The following CYYR1 variants were observed in gnomAD, a reference collection of about 807,000 sequenced individuals.
The protein encoded by CYYR1 is cysteine and tyrosine rich 1, also known as cysteine and tyrosine-rich protein 1.
CYYR1 carries 14 observed loss-of-function variants against 15.2 expected under a neutral mutation model. The observed-to-expected ratio is 0.92, with a 90% confidence interval of 0.61 to 1.44. CYYR1 has a LOEUF of 1.44. Among genes scored for constraint, CYYR1 ranks in the 40% most tolerant of loss-of-function variants. The probability of loss-of-function intolerance (pLI) is 0.00; values close to 1 mark genes in which losing one functional copy is unlikely to be tolerated. For missense variants in CYYR1, 228 were observed against 209.5 expected (o/e 1.09, Z -0.54); for synonymous variants, 80 against 77.4 (o/e 1.03, Z -0.18).
At chr21:26,507,985 G>A (rs1293326759) in intron 2 of CYYR1, among the ~76,000 whole-genome samples, 1 of 152,196 alleles carries the variant, frequency 6.6e-6, no homozygotes, top group Non-Finnish European at 1.5e-5. Context: ...GATGACAGAT[G>A]TAAGCTCATA....
chr21:26,520,839 A>G (rs1031877836), intron 2 of CYYR1, among the ~76,000 whole-genome samples: 1 of 152,074 alleles, frequency 6.6e-6, no homozygotes, highest in Non-Finnish European at 1.5e-5. Flanking sequence ...AGTGATGTTG[A>G]GCTTTATGCA....
At chr21:26,497,967 AT>A (rs1212144182) in intron 2 of CYYR1, among the ~76,000 whole-genome samples, 1 of 152,172 alleles carries the variant, frequency 6.6e-6, no homozygotes, top group East Asian at 1.9e-4. Context: ...GACATATGTC[AT>A]TTGTATCATA....
intron 3 of CYYR1, among the ~76,000 whole-genome samples, chr21:26,472,967 T>C (rs951162625): frequency 6.6e-6 from 1 of 152,182 alleles, no homozygotes; most frequent in African/African-American, 2.4e-5. Flanking sequence ...AGTTTATTTT[T>C]TCTAAGTTTT....
intron 2 of CYYR1, among the ~76,000 whole-genome samples, chr21:26,498,035 T>C (rs1167811058): frequency 6.6e-6 from 1 of 152,208 alleles, no homozygotes; most frequent in Non-Finnish European, 1.5e-5. Flanking sequence ...CTTTCCAAGA[T>C]TTCTACCTTT....
At chr21:26,572,817 C>T (rs1396573457) in intron 1 of CYYR1, 51 bp downstream of exon 1, 44 of 1,605,124 alleles carry the variant, frequency 2.7e-5, no homozygotes, top group Non-Finnish European at 3.5e-5. Context: ...GGACCGTGAC[C>T]CAAGGGCAGC....
At chr21:26,504,123 T>C (rs2065520794) in intron 2 of CYYR1, among the ~76,000 whole-genome samples, 1 of 152,178 alleles carries the variant, frequency 6.6e-6, no homozygotes, top group South Asian at 2.1e-4. Context: ...ATCCAGCATA[T>C]CTTAACAGTG....
Position 26,468,297 on chromosome 21 carries a change from A to G in CYYR1, c.*204T>C, listed in dbSNP as rs2123347755. On this transcript the variant is annotated 3_prime_UTR_variant, in exon 4 of 4. Coordinates refer to ENST00000652641, the MANE Select transcript of CYYR1 (RefSeq NM_001320768.2). ...CAGATCTCTTAAAATGTGGTTCCAT[A>G]GAACCAAACATTAATACTCCAGATG... The G allele has an allele frequency of 1.7e-6, 1 of 590,412 alleles. No individual in the cohort carries two copies. Among genetic ancestry groups the G allele is most frequent in the East Asian group, 2.9e-5 (1 of 34,098 alleles). 36.6% of individuals were successfully genotyped at this position (590,412 alleles called of 1,614,324 possible).
chr21:26,466,550 G>A lies in CYYR1; in HGVS notation c.*1951C>T, dbSNP rs1601713653. ...ATTTGGGGAAAATTTGCAGAATATA[G>A]GAGGTACGCAATAAATGTTTATTGA... On this transcript the variant is annotated 3_prime_UTR_variant, in exon 4 of 4. Coordinates refer to ENST00000652641, the MANE Select transcript of CYYR1 (RefSeq NM_001320768.2). 1 of 152,152 alleles carries A rather than the reference G, an allele frequency of 6.6e-6. No individual in the cohort carries two copies. Among genetic ancestry groups the A allele is most frequent in the East Asian group, 1.9e-4 (1 of 5,202 alleles). The allele number at this position is 152,152 out of a possible 1,614,324, so 9.4% of individuals were successfully genotyped here.
At chr21:26,539,018 CAGGCAAAGAATAATGT>C (rs1466654492) in intron 2 of CYYR1, among the ~76,000 whole-genome samples, 3 of 152,090 alleles carry the variant, frequency 2.0e-5, no homozygotes, top group Non-Finnish European at 4.4e-5. Flanking sequence ...TTTGGAGATA[CAGGCAAAGAATAATGT>C]GATACGAAAA....
chr21:26,514,248 C>T (rs1486556599), intron 2 of CYYR1, among the ~76,000 whole-genome samples: 1 of 152,124 alleles, frequency 6.6e-6, no homozygotes, highest in South Asian at 2.1e-4. Flanking sequence ...CTCCAAATCT[C>T]ATGTTGAAAT....
At chr21:26,516,600 G>C (rs1015021929) in intron 2 of CYYR1, among the ~76,000 whole-genome samples, 4 of 152,112 alleles carry the variant, frequency 2.6e-5, no homozygotes, top group Non-Finnish European at 5.9e-5. Context: ...TTAATTGTCT[G>C]TTTAAATAGG....
At chr21:26,546,892 C>G (rs946094909) in intron 2 of CYYR1, among the ~76,000 whole-genome samples, 6 of 152,030 alleles carry the variant, frequency 3.9e-5, no homozygotes, top group African/African-American at 1.4e-4. Flanking sequence ...TGTGGCTCGA[C>G]GCTGCTTCAG....
At chr21:26,533,355 G>C (rs1313111050) in intron 2 of CYYR1, among the ~76,000 whole-genome samples, 1 of 151,978 alleles carries the variant, frequency 6.6e-6, no homozygotes, top group East Asian at 1.9e-4. Context: ...TGCAGAACCA[G>C]GAAAGCTGGT....
intron 2 of CYYR1, among the ~76,000 whole-genome samples, chr21:26,501,844 C>T (rs1386120688): frequency 6.6e-6 from 1 of 151,990 alleles, no homozygotes; most frequent in Non-Finnish European, 1.5e-5. Context: ...GAAGAACACG[C>T]CATGAGAGAA....
intron 2 of CYYR1, among the ~76,000 whole-genome samples, chr21:26,565,749 T>G (rs111408636): frequency 0.011 from 1,662 of 152,354 alleles, 40 homozygotes; most frequent in African/African-American, 0.038. Context: ...TGTCTTAGGC[T>G]CTAAACTTGT....
chr21:26,489,629 A>G (rs1185351048), intron 2 of CYYR1, among the ~76,000 whole-genome samples: 1 of 152,040 alleles, frequency 6.6e-6, no homozygotes, highest in Non-Finnish European at 1.5e-5. Context: ...ACCAAATGTC[A>G]TCATTTGGTT....
At chr21:26,537,690 G>C (rs1283159520) in intron 2 of CYYR1, among the ~76,000 whole-genome samples, 1 of 152,070 alleles carries the variant, frequency 6.6e-6, no homozygotes, top group Non-Finnish European at 1.5e-5. Flanking sequence ...GATGTTTCAG[G>C]CTGGTAAGTA....
At chr21:26,571,097 T>C (rs553193185) in intron 1 of CYYR1, among the ~76,000 whole-genome samples, 10 of 152,342 alleles carry the variant, frequency 6.6e-5, no homozygotes, top group African/African-American at 2.4e-4. Context: ...CAACCTTTTA[T>C]ACCTTAAAGT....
At chr21:26,475,919 A>T (rs1226314311) in intron 3 of CYYR1, among the ~76,000 whole-genome samples, 1 of 152,160 alleles carries the variant, frequency 6.6e-6, no homozygotes, top group Admixed American at 6.5e-5. Context: ...GAATCTTTCC[A>T]GTATGAATTT....
Sources: allele counts gnomAD v4.1 joint callset (sites outside exome capture counted in the v4.1 genomes callset), GRCh38; gene constraint gnomAD v4.1.1; transcripts MANE v1.5; gene names NCBI Gene and HGNC (gene_info 2026-07-23, HGNC 2026-07-21).